Variants in ZNF416 observed in about 807,000 individuals in gnomAD.
ZNF416 encodes the protein zinc finger protein 416.
Under a neutral mutation model 10.9 loss-of-function variants are expected in ZNF416, and 5 were observed. That is an observed-to-expected ratio of 0.46 (90% CI 0.24 to 0.97). The LOEUF (loss-of-function observed/expected upper bound fraction) is 0.97. Ranked by LOEUF, ZNF416 falls within the 50% of genes least tolerant of loss-of-function variation. The probability of loss-of-function intolerance (pLI) is 0.19; values close to 1 mark genes in which losing one functional copy is unlikely to be tolerated. For missense variants in ZNF416, 675 were observed against 715.0 expected (o/e 0.94, Z 0.64); for synonymous variants, 267 against 251.8 (o/e 1.06, Z -0.57).
rs138890638 is a variant in ZNF416, at chr19:57,574,373, T to G, written c.203-672A>C. On this transcript the variant is annotated intron_variant, in intron 3 of 3. Coordinates refer to ENST00000196489, the MANE Select transcript of ZNF416 (RefSeq NM_017879.3). ...AAAGGCTGTGGCTTAATATTTTCCC[T>G]CCTCTCTTGCTTCTACCTTCTGACC... 5.9e-3 allele frequency among the ~76,000 whole-genome samples: 895 copies of G among 152,306 alleles called. 7 individuals are homozygous for G. The highest frequency in any genetic ancestry group is 9.7e-3 in the Non-Finnish European group (658 of 68,026).
Position 57,578,525 on chromosome 19 carries a change from G to A in ZNF416, c.33+147C>T, listed in dbSNP as rs546512876. The A allele has an allele frequency of 2.1e-5, 19 of 886,888 alleles. No homozygotes were observed. The East Asian group carries it at 5.5e-4, about 26-fold the overall frequency. The allele number at this position is 886,888 out of a possible 1,614,324, so 54.9% of individuals were successfully genotyped here. Reference sequence around the variant, plus strand: ...ACACCCTCCACAGCCCACGACACCAGGCTTGTAAATGGGAGCCCCACCCGC... The same window carrying A: ...ACACCCTCCACAGCCCACGACACCAAGCTTGTAAATGGGAGCCCCACCCGC... On this transcript the variant is annotated intron_variant, in intron 1 of 3. Coordinates refer to ENST00000196489, the MANE Select transcript of ZNF416 (RefSeq NM_017879.3).
chr19:57,574,337 G>A (rs893647250), intron 3 of ZNF416, among the ~76,000 whole-genome samples: 1 of 152,170 alleles, frequency 6.6e-6, no homozygotes, highest in Non-Finnish European at 1.5e-5. Flanking sequence ...GTTACCTGCA[G>A]AAACCCCAAT....
chr19:57,578,263 C>T (rs1978619144), intron 1 of ZNF416, among the ~76,000 whole-genome samples, 165 bp from the exon 2 acceptor site: 1 of 152,168 alleles, frequency 6.6e-6, no homozygotes, highest in Non-Finnish European at 1.5e-5. Context: ...TGGGACCTTG[C>T]ACAAGGACTC....
chr19:57,578,569 G>A (rs1978635626), intron 1 of ZNF416, 103 bp downstream of exon 1: 1 of 1,321,552 alleles, frequency 7.6e-7, no homozygotes, highest in Non-Finnish European at 1.0e-6. Flanking sequence ...CATAGTCCTG[G>A]ACTCTAGGGT....
At chr19:57,574,786 G>C (rs972151603) in intron 3 of ZNF416, among the ~76,000 whole-genome samples, 11 of 152,190 alleles carry the variant, frequency 7.2e-5, no homozygotes, top group South Asian at 6.2e-4. Context: ...GATCTTGTCA[G>C]CTGGTGGCAC....
chr19:57,577,189 A>T (rs1978567654), intron 2 of ZNF416, among the ~76,000 whole-genome samples: 1 of 152,234 alleles, frequency 6.6e-6, no homozygotes, highest in Admixed American at 6.5e-5. Flanking sequence ...CCTGTAGGAT[A>T]AACTATCCAC....
At position 57,578,890 on chromosome 19, in the gene ZNF416, T is replaced by C. The variant is rs949401010; in HGVS notation, c.-186A>G. 20 of 490,600 alleles carry C rather than the reference T, an allele frequency of 4.1e-5. No individual in the cohort carries two copies. The highest frequency in any genetic ancestry group is 6.2e-5 in the Non-Finnish European group (18 of 288,274). The allele number at this position is 490,600 out of a possible 1,614,324, so 30.4% of individuals were successfully genotyped here. A position where few individuals can be genotyped will look rare whatever the true frequency, so the allele number is the denominator to read the frequency against. ...GTAGAGAACCACCAAAATTACCATC[T>C]CGGAGCGGTGCCGGAAGTCCCGCCT... On this transcript the variant is annotated 5_prime_UTR_variant, in exon 1 of 4. Transcript: ENST00000196489.
chr19:57,578,023 G>C (rs772595927), intron 2 of ZNF416, 34 bp downstream of exon 2: 1 of 1,612,188 alleles, frequency 6.2e-7, no homozygotes, highest in South Asian at 1.1e-5. Context: ...ACTGGGGTCA[G>C]CATCAGTGAG....
Position 57,577,985 on chromosome 19 carries a change from GT to G in ZNF416, c.75+71del. 3.2e-6 allele frequency: 5 copies of G among 1,544,438 alleles called. No individual in the cohort carries two copies. In the South Asian group the frequency reaches 5.6e-5, roughly 17 times the overall value. Reference sequence around the variant, plus strand: ...GGACCCAAAGAGTGCCAAGAGAAGAGTCCCAGAACACAATCTCAGAGACAAA... The same window carrying G: ...GGACCCAAAGAGTGCCAAGAGAAGAGCCCAGAACACAATCTCAGAGACAAA... On this transcript the variant is annotated intron_variant, in intron 2 of 3. Coordinates refer to ENST00000196489, the MANE Select transcript of ZNF416 (RefSeq NM_017879.3).
intron 1 of ZNF416, chr19:57,578,338 A>T (rs1978622870): frequency 1.7e-6 from 1 of 594,900 alleles, no homozygotes; most frequent in Admixed American, 3.0e-5. Flanking sequence ...ACTTTAGAAA[A>T]AATTTGAAAA....
At position 57,573,309 on chromosome 19, in the gene ZNF416, T is replaced by G. The variant is rs971411655; in HGVS notation, c.595A>C (p.Asn199His). ...PQAIANYEKPNKISKCEEAFH... is the reference protein window; with the variant it reads ...PQAIANYEKPHKISKCEEAFH... ...GCCTCCTCACATTTGCTGATTTTGTTTGGCTTCTCATAGTTAGCAATAGCT... is the reference window on the plus strand; with the variant it reads ...GCCTCCTCACATTTGCTGATTTTGTGTGGCTTCTCATAGTTAGCAATAGCT... Residue 199 changes from asparagine (N) to histidine (H), a missense_variant, in exon 4 of 4, where the codon AAC becomes CAC. Coordinates refer to ENST00000196489, the MANE Select transcript of ZNF416 (RefSeq NM_017879.3). The G allele has an allele frequency of 1.2e-6, 2 of 1,614,154 alleles. No homozygotes were observed. The highest frequency in any genetic ancestry group is 2.7e-5 in the African/African-American group (2 of 74,948).
rs771337055 is a variant in ZNF416 at position 57,578,046 on chromosome 19, T to C, written c.75+11A>G. 7.3e-5 allele frequency: 118 copies of C among 1,613,710 alleles called. No individual in the cohort carries two copies. The Admixed American group carries it at 1.9e-3, about 26-fold the overall frequency. ...CAGCATCAGTGAGGGCCCGAAACAC[T>C]CTCCACTCACCTGTGTAAAGCCCAT... is the stretch of plus-strand genomic sequence containing the variant. On this transcript the variant is annotated intron_variant, in intron 2 of 3. Coordinates refer to ENST00000196489, the MANE Select transcript of ZNF416 (RefSeq NM_017879.3).
intron 3 of ZNF416, among the ~76,000 whole-genome samples, chr19:57,574,391 T>C (rs1382536124): frequency 6.6e-6 from 1 of 152,240 alleles, no homozygotes; most frequent in Admixed American, 6.5e-5. Context: ...TGCTTCTACC[T>C]TCTGACCACT....
At chr19:57,576,052 C>G (rs1978524716) in intron 2 of ZNF416, 122 bp from the exon 3 acceptor site, 10 of 1,284,728 alleles carry the variant, frequency 7.8e-6, no homozygotes, top group Non-Finnish European at 8.6e-6. Flanking sequence ...GAGGAGATAC[C>G]AAGACCTGGT....
At position 57,578,678 on chromosome 19, in the gene ZNF416, C is replaced by T. The variant is rs1282521878; in HGVS notation, c.27G>A (p.Ser9=). 3 of 1,555,342 alleles carry T rather than the reference C, an allele frequency of 1.9e-6. No homozygotes were observed. Among genetic ancestry groups the T allele is most frequent in the Non-Finnish European group, 8.7e-7 (1 of 1,152,222 alleles). MAAAVLRD[S]TSVPVTAEAK... Reference sequence around the variant, plus strand: ...CGGGAGACGCAGCACTCACCGAAGTCGAATCCCTAAGCACGGCCGCCGCCA... The same window carrying T: ...CGGGAGACGCAGCACTCACCGAAGTTGAATCCCTAAGCACGGCCGCCGCCA... The change falls in exon 1 of 4, where the codon TCG becomes TCA. Residue 9 remains serine, a synonymous_variant. Coordinates refer to ENST00000196489, the MANE Select transcript of ZNF416 (RefSeq NM_017879.3).
chr19:57,573,642 C>T lies in ZNF416; in HGVS notation c.262G>A (p.Val88Ile). The T allele has an allele frequency of 1.9e-6, 3 of 1,614,198 alleles. No homozygotes were observed. Among genetic ancestry groups the T allele is most frequent in the Non-Finnish European group, 2.5e-6 (3 of 1,180,030 alleles). Residue 88 changes from valine to isoleucine, a missense_variant, in exon 4 of 4, where the codon GTA (valine) becomes ATA (isoleucine). By Grantham distance (29) the Val-to-Ile change is conservative (BLOSUM62 3). Transcript: ENST00000196489. Reference protein sequence around the residue: ...TPEQSVSVEGVPQVRTPEASP... With the variant: ...TPEQSVSVEGIPQVRTPEASP... ...GCCTCTGGAGTCCTGACCTGAGGTA[C>T]TCCTTCTACAGAAACACTTTGCTCA...
intron 2 of ZNF416, among the ~76,000 whole-genome samples, chr19:57,577,148 T>C (rs1978564864): frequency 6.6e-6 from 1 of 152,166 alleles, no homozygotes; most frequent in Admixed American, 6.5e-5. Flanking sequence ...TTTAAATGTC[T>C]CTATCCTGAA....
Position 57,572,809 on chromosome 19 carries a change from G to A in ZNF416, c.1095C>T (p.Ser365=). 6.2e-7 allele frequency: 1 copy of A among 1,613,442 alleles called. No individual in the cohort carries two copies. Among genetic ancestry groups the A allele is most frequent in the Non-Finnish European group, 8.5e-7 (1 of 1,179,818 alleles). ...TCTGGTGTCGAACAAGAGTGGATTTGGACCCAAAGGCTTTTCCACATTCAT... is the reference window on the plus strand; with the variant it reads ...TCTGGTGTCGAACAAGAGTGGATTTAGACCCAAAGGCTTTTCCACATTCAT... ...ECDECGKAFG[S]KSTLVRHQRT... is the part of the protein sequence containing the mutation. The change falls in exon 4 of 4, where the codon TCC becomes TCT. Residue 365 remains serine (S), a synonymous_variant. Transcript: ENST00000196489. The surrounding 1 kb of genome is among the most constrained non-coding windows in gnomAD (Gnocchi z 4.5).
rs769718337 is a variant in ZNF416, at chr19:57,573,038, C to T, written c.866G>A (p.Arg289Gln). Residue 289 changes from arginine (R) to glutamine (Q), a missense_variant, in exon 4 of 4, where the codon CGG becomes CAG. Coordinates refer to ENST00000196489, the MANE Select transcript of ZNF416 (RefSeq NM_017879.3). ...AGGCCTTTCTCCAGTGTGGATTCTC[C>T]GATGATCATTCAGATGAGAGGTTTG... ...FSQTSHLNDH[R>Q]RIHTGERPYV... 5.0e-5 allele frequency: 80 copies of T among 1,613,828 alleles called. No individual in the cohort carries two copies. Among genetic ancestry groups the T allele is most frequent in the South Asian group, 2.6e-4 (24 of 91,062 alleles).
Sources: allele counts gnomAD v4.1 joint callset (sites outside exome capture counted in the v4.1 genomes callset), GRCh38; gene constraint gnomAD v4.1.1; non-coding constraint Gnocchi (gnomAD v3.1); transcripts MANE v1.5; gene names NCBI Gene and HGNC (gene_info 2026-07-23, HGNC 2026-07-21).